Variants in TSHZ2 observed in about 807,000 individuals in gnomAD.
The protein encoded by TSHZ2 is teashirt homolog 2.
Under a neutral mutation model 74.4 loss-of-function variants are expected in TSHZ2, and 21 were observed. The ratio of observed to expected loss-of-function variants is 0.28; its 90% CI spans 0.20 to 0.41. TSHZ2 has a LOEUF of 0.41. TSHZ2 is among the 10% of genes least tolerant of loss of function. The pLI is 1.00. For missense variants in TSHZ2, 1,244 were observed against 1,293.5 expected (o/e 0.96, Z 0.59); for synonymous variants, 540 against 515.3 (o/e 1.05, Z -0.65).
chr20:53,001,823 T>C (rs1982452613), intron 1 of TSHZ2, among the ~76,000 whole-genome samples: 1 of 152,220 alleles, frequency 6.6e-6, no homozygotes, highest in Admixed American at 6.5e-5. Context: ...AGTATCATTG[T>C]TTGATAGTGG....
intron 2 of TSHZ2, among the ~76,000 whole-genome samples, chr20:53,350,146 A>G (rs931576802): frequency 6.6e-6 from 1 of 152,248 alleles, no homozygotes; most frequent in South Asian, 2.1e-4. Context: ...CCTGAATTTA[A>G]TCACATCTGC....
rs530647606 is a variant in TSHZ2, at chr20:53,312,969, A to G, written c.*8+56398A>G. Among the ~76,000 whole-genome samples the G allele has an allele frequency of 4.1e-4, 63 of 152,362 alleles. No individual in the cohort carries two copies. The Middle Eastern group carries it at 0.01, about 25-fold the overall frequency. ...CACTACTGTTATCCCATCTGGTTGT[A>G]AGTGAAATACAGATTTGGAATATCA... On this transcript the variant is annotated intron_variant, in intron 2 of 2. Transcript: ENST00000371497.
chr20:53,369,486 C>T (rs1371541776), intron 2 of TSHZ2, among the ~76,000 whole-genome samples: 1 of 152,054 alleles, frequency 6.6e-6, no homozygotes, highest in Non-Finnish European at 1.5e-5. Flanking sequence ...GCAGGCGGAT[C>T]ACCTGAGGCC....
intron 1 of TSHZ2, among the ~76,000 whole-genome samples, chr20:53,084,670 TCTCCCTCC>T (rs879367471): frequency 3.5e-5 from 2 of 57,222 alleles, no homozygotes; most frequent in African/African-American, 7.4e-5. Flanking sequence ...TCTCTCCTTC[TCTCCCTCC>T]CTCCCTCCCT....
At chr20:53,088,746 G>A (rs2123253486) in intron 1 of TSHZ2, among the ~76,000 whole-genome samples, 1 of 152,066 alleles carries the variant, frequency 6.6e-6, no homozygotes, top group South Asian at 2.1e-4. Context: ...GTAATTAATT[G>A]AAGGCTCACT....
chr20:53,092,393 C>T (rs1211970766), intron 1 of TSHZ2, among the ~76,000 whole-genome samples: 2 of 152,186 alleles, frequency 1.3e-5, no homozygotes, highest in East Asian at 1.9e-4. Flanking sequence ...TATCAGTCAA[C>T]TTGAGTCTTC....
intron 1 of TSHZ2, among the ~76,000 whole-genome samples, chr20:53,073,755 A>G (rs1344257623): frequency 6.6e-6 from 1 of 151,900 alleles, no homozygotes; most frequent in Non-Finnish European, 1.5e-5. Flanking sequence ...CATTCCGTCA[A>G]GTTAAAAAAA....
In TSHZ2 at chr20:53,489,041, C is replaced by T. The variant is rs757626000; in HGVS notation, c.*1906C>T. On this transcript the variant is annotated 3_prime_UTR_variant, in exon 3 of 3. Coordinates refer to ENST00000371497, the MANE Select transcript of TSHZ2 (RefSeq NM_173485.6). Reference sequence around the variant, plus strand: ...TGGACAGAAAATATACCCCTCACATCATCGGATTGAGATGGCAGTCGAAAT... The same window carrying T: ...TGGACAGAAAATATACCCCTCACATTATCGGATTGAGATGGCAGTCGAAAT... The T allele has an allele frequency of 4.4e-6, 2 of 456,176 alleles. No homozygotes were observed. The highest frequency in any genetic ancestry group is 8.8e-6 in the Non-Finnish European group (2 of 226,950). The allele number at this position is 456,176 out of a possible 1,614,324, so 28.3% of individuals were successfully genotyped here.
At chr20:53,421,969 C>T (rs1443644409) in intron 2 of TSHZ2, among the ~76,000 whole-genome samples, 1 of 152,106 alleles carries the variant, frequency 6.6e-6, no homozygotes, top group East Asian at 1.9e-4. Flanking sequence ...GCATGAGCCA[C>T]CGCACCCGGC....
chr20:53,202,581 G>A (rs189414774), intron 1 of TSHZ2, among the ~76,000 whole-genome samples: 96 of 152,146 alleles, frequency 6.3e-4, no homozygotes, highest in African/African-American at 2.2e-3. Context: ...AGAAATAGAA[G>A]CTATTATTAA....
chr20:53,203,957 C>T (rs1368136483), intron 1 of TSHZ2, among the ~76,000 whole-genome samples: 1 of 151,662 alleles, frequency 6.6e-6, no homozygotes, highest in East Asian at 1.9e-4. Context: ...AAGTATAAAA[C>T]ACACTGAACT....
intron 2 of TSHZ2, among the ~76,000 whole-genome samples, chr20:53,377,226 G>A (rs1468364479): frequency 2.0e-5 from 3 of 152,208 alleles, no homozygotes; most frequent in Admixed American, 2.0e-4. Flanking sequence ...ACTGCATCAA[G>A]GAATACTGCC....
chr20:53,101,803 G>A (rs1986226468), intron 1 of TSHZ2, among the ~76,000 whole-genome samples: 1 of 152,184 alleles, frequency 6.6e-6, no homozygotes, highest in Non-Finnish European at 1.5e-5. Context: ...TCGTATTGGT[G>A]ATGGGGTTAA....
intron 2 of TSHZ2, among the ~76,000 whole-genome samples, chr20:53,432,004 T>C (rs1983862581): frequency 6.6e-6 from 1 of 152,174 alleles, no homozygotes; most frequent in Non-Finnish European, 1.5e-5. Flanking sequence ...TTAAATAGCT[T>C]TAGGGGTATA....
intron 1 of TSHZ2, among the ~76,000 whole-genome samples, chr20:53,068,052 C>A (rs998072270): frequency 6.6e-6 from 1 of 152,160 alleles, no homozygotes; most frequent in African/African-American, 2.4e-5. Context: ...GTGGCATCCC[C>A]TCTTTTGGTG....
At position 53,415,799 on chromosome 20, in the gene TSHZ2, TAC is replaced by T. The variant is rs879670879; in HGVS notation, c.*9-71324_*9-71323del. On this transcript the variant is annotated intron_variant, in intron 2 of 2. Transcript: ENST00000371497. The stretch of plus-strand genomic sequence containing the variant: ...ATAAATGTATGTGTGTGTGTAGATA[TAC>T]ACACACACACACACACACACGCACA... Among the ~76,000 whole-genome samples, 786 of 145,314 alleles carry T rather than the reference TAC, an allele frequency of 5.4e-3. 6 individuals carry two copies. Among genetic ancestry groups the T allele is most frequent in the Middle Eastern group, 0.021 (6 of 290 alleles).
chr20:53,044,893 G>A (rs1568733785), intron 1 of TSHZ2, among the ~76,000 whole-genome samples: 2 of 152,134 alleles, frequency 1.3e-5, no homozygotes, highest in South Asian at 4.1e-4. Flanking sequence ...GAAAATTTTT[G>A]TAGAAACGGG....
intron 1 of TSHZ2, among the ~76,000 whole-genome samples, chr20:53,190,128 T>C (rs796276142): frequency 7.9e-5 from 8 of 100,932 alleles, no homozygotes; most frequent in South Asian, 7.2e-4. Flanking sequence ...TATATATATA[T>C]ATATATATAT....
chr20:53,146,251 G>C (rs745764626), intron 1 of TSHZ2, among the ~76,000 whole-genome samples: 5 of 152,104 alleles, frequency 3.3e-5, no homozygotes, highest in African/African-American at 1.2e-4. Context: ...GGCAGGGGGC[G>C]GATGAGTCAA....
Sources: allele counts gnomAD v4.1 joint callset (sites outside exome capture counted in the v4.1 genomes callset), GRCh38; gene constraint gnomAD v4.1.1; transcripts MANE v1.5; gene names NCBI Gene and HGNC (gene_info 2026-07-23, HGNC 2026-07-21).